The following DPYD variants were observed in gnomAD, a reference collection of about 807,000 sequenced individuals.
The protein encoded by DPYD is dihydropyrimidine dehydrogenase.
In DPYD, 109 loss-of-function variants were observed where a neutral mutation model predicts 116.2. The observed-to-expected ratio is 0.94, with a 90% CI of 0.80 to 1.10. The LOEUF is 1.10. Ranked by LOEUF, DPYD falls within the 50% of genes least tolerant of loss-of-function variation. DPYD has a pLI of 0.00. For synonymous variants in DPYD, 440 were observed against 432.0 expected, an observed-to-expected ratio of 1.02 and a Z score of -0.23; for missense variants, 1,302 against 1,254.5, an observed-to-expected ratio of 1.04 and a Z score of -0.57.
At chr1:97,582,689 T>C (rs1472652082) in intron 10 of DPYD, among the ~76,000 whole-genome samples, 1 of 152,208 alleles carries the variant, frequency 6.6e-6, no homozygotes, top group East Asian at 1.9e-4. Context: ...GTACCTGGTA[T>C]GGTATTACAG....
chr1:97,742,254 T>A (rs1664308174), intron 3 of DPYD, among the ~76,000 whole-genome samples: 1 of 152,126 alleles, frequency 6.6e-6, no homozygotes, highest in African/African-American at 2.4e-5. Context: ...TTCATTTCCT[T>A]CATGAAAACA....
intron 8 of DPYD, among the ~76,000 whole-genome samples, chr1:97,668,957 T>C (rs1190587961): frequency 1.3e-5 from 2 of 152,186 alleles, no homozygotes; most frequent in South Asian, 2.1e-4. Flanking sequence ...ATATAATCTT[T>C]GACTGATTAA....
At chr1:97,202,606 C>T (rs1659285532) in intron 19 of DPYD, among the ~76,000 whole-genome samples, 1 of 152,200 alleles carries the variant, frequency 6.6e-6, no homozygotes, top group African/African-American at 2.4e-5. Context: ...CACTCGACTA[C>T]TATTCAGAAG....
chr1:97,176,508 G>A (rs1378324181), intron 20 of DPYD, among the ~76,000 whole-genome samples: 7 of 152,172 alleles, frequency 4.6e-5, no homozygotes, highest in African/African-American at 1.7e-4. Flanking sequence ...AAGAGCTGTC[G>A]GGAGTGACAC....
At chr1:97,237,072 T>C (rs1661984523) in intron 18 of DPYD, among the ~76,000 whole-genome samples, 1 of 151,636 alleles carries the variant, frequency 6.6e-6, no homozygotes, top group Non-Finnish European at 1.5e-5. Context: ...AAACCCCGTG[T>C]CTACAAACAA....
rs2101557794 is a variant in DPYD at position 97,082,328 on chromosome 1, A to T, written c.2907+2T>A. On this transcript the variant is annotated splice_donor_variant, in intron 22 of 22. Transcript: ENST00000370192. LOFTEE classifies it high-confidence loss of function. ...GCATTCTAATTCCAGCAGGATTCTT[A>T]CCTGGTAGCCAGAATCATTACAGGT... 6.2e-7 allele frequency: 1 copy of T among 1,613,446 alleles called. No individual in the cohort carries two copies. The highest frequency in any genetic ancestry group is 8.5e-7 in the Non-Finnish European group (1 of 1,179,472).
At chr1:97,407,597 A>C (rs1278835143) in intron 14 of DPYD, among the ~76,000 whole-genome samples, 1 of 152,124 alleles carries the variant, frequency 6.6e-6, no homozygotes, top group Non-Finnish European at 1.5e-5. Context: ...TCACAATTAT[A>C]ATGCCAACTA....
intron 1 of DPYD, among the ~76,000 whole-genome samples, chr1:97,903,970 G>T (rs1177745288): frequency 6.6e-6 from 1 of 151,878 alleles, no homozygotes; most frequent in East Asian, 1.9e-4. Flanking sequence ...GCTAGACCCA[G>T]TGGGCACTGG....
intron 16 of DPYD, among the ~76,000 whole-genome samples, chr1:97,313,955 C>T (rs1413008478): frequency 6.6e-6 from 1 of 151,942 alleles, no homozygotes; most frequent in Admixed American, 6.6e-5. Context: ...TGAAGAATTT[C>T]TAATTGCATA....
chr1:97,165,912 T>TAAA (rs57322611), intron 20 of DPYD, among the ~76,000 whole-genome samples: 2 of 149,684 alleles, frequency 1.3e-5, no homozygotes, highest in African/African-American at 4.9e-5. Flanking sequence ...ATTAAAAAGT[T>TAAA]AAAAAAAAAA....
chr1:97,410,988 T>C (rs373680970), intron 14 of DPYD, among the ~76,000 whole-genome samples: 1 of 152,082 alleles, frequency 6.6e-6, no homozygotes, highest in East Asian at 1.9e-4. Flanking sequence ...AAAGATAGAA[T>C]AGTGAGCTGG....
At chr1:97,751,495 T>TATATATATATATA in intron 3 of DPYD, among the ~76,000 whole-genome samples, 2 of 135,254 alleles carry the variant, frequency 1.5e-5, no homozygotes, top group Admixed American at 7.6e-5. Flanking sequence ...TATATATATA[T>TATATATATATATA]GGCAGGGGAC....
At chr1:97,897,180 A>G (rs1673116940) in intron 1 of DPYD, among the ~76,000 whole-genome samples, 1 of 151,946 alleles carries the variant, frequency 6.6e-6, no homozygotes, top group Admixed American at 6.6e-5. Context: ...ACTGGATAAT[A>G]GAATTCTACA....
chr1:97,785,837 T>C (rs1666987109), intron 3 of DPYD, among the ~76,000 whole-genome samples: 1 of 151,338 alleles, frequency 6.6e-6, no homozygotes, highest in Non-Finnish European at 1.5e-5. Context: ...GGACTACAGG[T>C]GCTGGCCACC....
intron 14 of DPYD, among the ~76,000 whole-genome samples, chr1:97,430,473 A>G (rs1171280343): frequency 6.6e-6 from 1 of 152,118 alleles, no homozygotes; most frequent in Non-Finnish European, 1.5e-5. Context: ...TCCTTTATTT[A>G]TAAGACTGAT....
At chr1:97,773,455 C>T (rs914201396) in intron 3 of DPYD, among the ~76,000 whole-genome samples, 3 of 152,132 alleles carry the variant, frequency 2.0e-5, no homozygotes, top group African/African-American at 7.2e-5. Flanking sequence ...GGCCTGTGGC[C>T]CACGGACCTA....
intron 18 of DPYD, among the ~76,000 whole-genome samples, chr1:97,268,519 G>A (rs1410038838): frequency 6.6e-6 from 1 of 152,078 alleles, no homozygotes; most frequent in African/African-American, 2.4e-5. Context: ...AGGGTGCCAT[G>A]GCCCCAGAGC....
At chr1:97,682,821 G>C (rs1409027972) in intron 7 of DPYD, among the ~76,000 whole-genome samples, 1 of 151,740 alleles carries the variant, frequency 6.6e-6, no homozygotes, top group Non-Finnish European at 1.5e-5. Context: ...AATGACTTTA[G>C]TAACATATTA....
chr1:97,209,284 T>A (rs945552404), intron 19 of DPYD, among the ~76,000 whole-genome samples: 1 of 152,182 alleles, frequency 6.6e-6, no homozygotes, highest in African/African-American at 2.4e-5. Flanking sequence ...TGTTTTATAT[T>A]TCATTTTTGT....
Sources: allele counts gnomAD v4.1 joint callset (sites outside exome capture counted in the v4.1 genomes callset), GRCh38; gene constraint gnomAD v4.1.1; transcripts MANE v1.5; gene names NCBI Gene and HGNC (gene_info 2026-07-23, HGNC 2026-07-21).